P3H1: variants seen among roughly 807,000 people sequenced by gnomAD.
P3H1 encodes the protein prolyl 3-hydroxylase 1, also known as growth suppressor 1.
P3H1 carries 69 observed loss-of-function variants against 84.0 expected under a neutral mutation model. The observed-to-expected ratio is 0.82, with a 90% CI of 0.68 to 1.00. The LOEUF (loss-of-function observed/expected upper bound fraction) is 1.00, where lower values mean the gene tolerates loss of function less well. Among genes scored for constraint, P3H1 ranks in the 50% least tolerant of loss-of-function variants. P3H1 has a pLI of 0.00. For synonymous variants in P3H1, 366 were observed against 388.8 expected (o/e 0.94, Z 0.69); for missense variants, 878 against 962.8 (o/e 0.91, Z 1.17).
rs886723526 is a variant in P3H1 at position 42,754,324 on chromosome 1, C to T, written c.1345+545G>A. Among the ~76,000 whole-genome samples the T allele has an allele frequency of 2.0e-5, 3 of 152,086 alleles. No homozygotes were observed. The highest frequency in any genetic ancestry group is 7.2e-5 in the African/African-American group (3 of 41,408). ...GCAGAGCAGAGCCACAATCAGTAGG[C>T]CTTCCCAGCAGCTTGCAGAAAACGG... On this transcript the variant is annotated intron_variant, in intron 8 of 14. Coordinates refer to ENST00000296388, the MANE Select transcript of P3H1 (RefSeq NM_022356.4). The surrounding 1 kb of genome is among the most constrained non-coding windows in gnomAD (Gnocchi z 4.0).
chr1:42,758,982 A>G lies in P3H1; in HGVS notation c.810T>C (p.Asp270=), dbSNP rs1411592316. 4 of 1,614,208 alleles carry G rather than the reference A, an allele frequency of 2.5e-6. No individual in the cohort carries two copies. The highest frequency in any genetic ancestry group is 3.4e-6 in the Non-Finnish European group (4 of 1,180,020). ...YNADLFQAIT[D]HYIQVLNCKQ... is the part of the protein sequence containing the mutation. Reference sequence around the variant, plus strand: ...TACAGTTGAGGACCTGGATGTAATGATCTGAAAGGAATCAAACAGAAGGAA... The same window carrying G: ...TACAGTTGAGGACCTGGATGTAATGGTCTGAAAGGAATCAAACAGAAGGAA... The change falls in exon 4 of 15, where the codon GAT becomes GAC. Residue 270 remains aspartate (D), a splice_region_variant and synonymous_variant. Transcript: ENST00000296388.
In P3H1 at chr1:42,758,874, A is replaced by G. The variant is rs147898950; in HGVS notation, c.918T>C (p.Tyr306=). 79 of 1,614,222 alleles carry G rather than the reference A, an allele frequency of 4.9e-5. No individual in the cohort carries two copies. The African/African-American group carries it at 1.0e-3, about 21-fold the overall frequency. ...FEDFLPSHYN[Y]LQFAYYNIGN... Reference sequence around the variant, plus strand: ...TACTGTTATAGTAGGCAAACTGCAGATAATTATAATGCGATGGGAGGAAGT... The same window carrying G: ...TACTGTTATAGTAGGCAAACTGCAGGTAATTATAATGCGATGGGAGGAAGT... Residue 306 remains tyrosine (Y), a synonymous_variant, in exon 4 of 15, where the codon TAT becomes TAC. Coordinates refer to ENST00000296388, the MANE Select transcript of P3H1 (RefSeq NM_022356.4).
chr1:42,765,233 T>C (rs1237264344), intron 1 of P3H1, among the ~76,000 whole-genome samples: 1 of 152,248 alleles, frequency 6.6e-6, no homozygotes, highest in Admixed American at 6.5e-5. Flanking sequence ...GGTTCTACTT[T>C]TCTCTCTATC....
At chr1:42,764,423 CAAA>C (rs769981372) in intron 1 of P3H1, among the ~76,000 whole-genome samples, 8 of 84,932 alleles carry the variant, frequency 9.4e-5, no homozygotes, top group South Asian at 3.4e-4. Flanking sequence ...GACTCCATCT[CAAA>C]AAAAAAAAAA....
chr1:42,758,248 C>G (rs1174328428), intron 4 of P3H1, among the ~76,000 whole-genome samples: 1 of 152,224 alleles, frequency 6.6e-6, no homozygotes, highest in Non-Finnish European at 1.5e-5. Context: ...TATTTTGCCT[C>G]AATACACTCA....
At chr1:42,755,725 T>C (rs1373035631) in intron 5 of P3H1, 88 bp from the exon 6 acceptor site, 2 of 938,838 alleles carry the variant, frequency 2.1e-6, no homozygotes, top group African/African-American at 1.6e-5. Flanking sequence ...CCCACACTGA[T>C]GCTCCCATGT....
chr1:42,750,600 G>A (rs1651984416), intron 10 of P3H1, among the ~76,000 whole-genome samples: 2 of 147,502 alleles, frequency 1.4e-5, no homozygotes, highest in African/African-American at 2.5e-5. Context: ...CCCCTACTGG[G>A]AAGTGAGGAG....
intron 1 of P3H1, among the ~76,000 whole-genome samples, chr1:42,763,319 A>G (rs1294288548): frequency 6.6e-6 from 1 of 152,088 alleles, no homozygotes; most frequent in East Asian, 1.9e-4. Context: ...AAGTCCAGAC[A>G]TAGTATTTTC....
intron 2 of P3H1, chr1:42,759,959 C>T (rs148448258): frequency 1.3e-5 from 2 of 153,616 alleles, no homozygotes; most frequent in African/African-American, 2.4e-5. Flanking sequence ...TCTTCCCCCC[C>T]CATTAGTGAC....
In P3H1 at chr1:42,766,561, C is replaced by T. The variant is rs1205874053; in HGVS notation, c.411G>A (p.Glu137=). 2 of 1,612,250 alleles carry T rather than the reference C, an allele frequency of 1.2e-6. No individual in the cohort carries two copies. Among genetic ancestry groups the T allele is most frequent in the Admixed American group, 1.7e-5 (1 of 59,964 alleles). ...PAAHSLSEEM[E]LEFRKRSPYN... ...AGGGGCTCCGCTTGCGGAACTCCAG[C>T]TCCATCTCTTCGCTGAGCGAGTGGG... Residue 137 remains glutamate, a synonymous_variant, in exon 1 of 15, where the codon GAG becomes GAA. Transcript: ENST00000296388.
chr1:42,747,840 TCC>T (rs747882181), intron 12 of P3H1, 42 bp from the exon 13 acceptor site: 101 of 1,586,182 alleles, frequency 6.4e-5, no homozygotes, highest in Admixed American at 8.3e-5. Flanking sequence ...CTTCCCTGCC[TCC>T]CTTTCCCCTG....
At chr1:42,750,658 G>GGA (rs1652000483) in intron 10 of P3H1, among the ~76,000 whole-genome samples, 3 of 114,046 alleles carry the variant, frequency 2.6e-5, no homozygotes, top group African/African-American at 1.1e-4. Flanking sequence ...GCCGGGGGGG[G>GGA]TGGTCGGCCA....
intron 5 of P3H1, chr1:42,756,422 C>T (rs1399985077): frequency 9.1e-5 from 14 of 154,252 alleles, no homozygotes; most frequent in Admixed American, 8.5e-4. Context: ...AAACTGAGTA[C>T]TTTCCGGGGT....
Position 42,747,905 on chromosome 1 carries a change from G to C in P3H1, c.1839-107C>G, listed in dbSNP as rs1367967333. The C allele has an allele frequency of 5.5e-6, 6 of 1,083,872 alleles. No homozygotes were observed. The East Asian group carries it at 1.4e-4, about 26-fold the overall frequency. The allele number at this position is 1,083,872 out of a possible 1,614,324, so 67.1% of individuals were successfully genotyped here. On this transcript the variant is annotated intron_variant, in intron 12 of 14. Coordinates refer to ENST00000296388, the MANE Select transcript of P3H1 (RefSeq NM_022356.4). ...AGCAGCAGGAGGGTGGCTTTGTGTG[G>C]GAGGGAAACCTTTAAGAACCTATAC...
rs559408524 is a variant in P3H1, at chr1:42,750,463, G to A, written c.1570-127C>T. 27 of 986,022 alleles carry A rather than the reference G, an allele frequency of 2.7e-5. No homozygotes were observed. The East Asian group carries it at 4.1e-4, about 15-fold the overall frequency. The allele number at this position is 986,022 out of a possible 1,614,324, so 61.1% of individuals were successfully genotyped here. A position where few individuals can be genotyped will look rare whatever the true frequency, so the allele number is the denominator to read the frequency against. On this transcript the variant is annotated intron_variant, in intron 10 of 14. Coordinates refer to ENST00000296388, the MANE Select transcript of P3H1 (RefSeq NM_022356.4). ...TTGTGGAAGGGACCTGGTGGGAGATGACTGAATAATGGGGGTGGATCTTTC... is the reference window on the plus strand; with the variant it reads ...TTGTGGAAGGGACCTGGTGGGAGATAACTGAATAATGGGGGTGGATCTTTC...
intron 13 of P3H1, 23 bp from the exon 14 acceptor site, chr1:42,747,435 G>A (rs74588317): frequency 1.9e-6 from 3 of 1,603,774 alleles, no homozygotes; most frequent in South Asian, 2.2e-5. Flanking sequence ...GAAAGGGAGG[G>A]GGGTTGCACA....
At chr1:42,750,126 C>G in intron 11 of P3H1, 60 bp downstream of exon 11, 1 of 1,575,774 alleles carries the variant, frequency 6.3e-7, no homozygotes, top group Non-Finnish European at 8.7e-7. Flanking sequence ...TCTTCAGCAT[C>G]CAGCACAGAG....
chr1:42,758,993 A>G lies in P3H1; in HGVS notation c.809-10T>C, dbSNP rs1652553959. ...ACCTGGATGTAATGATCTGAAAGGA[A>G]TCAAACAGAAGGAATAACTATGAGG... On this transcript the variant is annotated splice_polypyrimidine_tract_variant and intron_variant, in intron 3 of 14. Coordinates refer to ENST00000296388, the MANE Select transcript of P3H1 (RefSeq NM_022356.4). 6.2e-7 allele frequency: 1 copy of G among 1,614,186 alleles called. No individual in the cohort carries two copies. Among genetic ancestry groups the G allele is most frequent in the Non-Finnish European group, 8.5e-7 (1 of 1,179,982 alleles).
intron 11 of P3H1, chr1:42,749,847 C>G (rs1029722230): frequency 3.2e-6 from 1 of 316,500 alleles, no homozygotes; most frequent in African/African-American, 2.1e-5. Context: ...GGGAGCTGCT[C>G]AGCTATGTAT....
Sources: gnomAD v4.1 joint callset for allele counts (sites outside exome capture counted in the v4.1 genomes callset) on GRCh38, gnomAD v4.1.1 for gene constraint, Gnocchi (gnomAD v3.1) non-coding constraint, MANE v1.5 for transcripts, NCBI Gene and HGNC (gene_info 2026-07-23, HGNC 2026-07-21) for gene names.